The following LRP2 variants were observed in gnomAD, a reference collection of about 807,000 sequenced individuals.
LRP2 encodes low-density lipoprotein receptor-related protein 2.
A neutral mutation model predicts 531.0 loss-of-function variants in LRP2; 172 were observed. That is an observed-to-expected ratio of 0.32 (90% CI 0.29 to 0.37). The LOEUF is 0.37. Among genes scored for constraint, LRP2 ranks in the 10% least tolerant of loss-of-function variants. The pLI, the probability that LRP2 is intolerant of heterozygous loss-of-function variation, is 1.00. For synonymous variants in LRP2, 1,992 were observed against 2,027.6 expected, an observed-to-expected ratio of 0.98 and a Z score of 0.47; for missense variants, 5,167 against 5,868.3, an observed-to-expected ratio of 0.88 and a Z score of 3.90.
At chr2:169,219,370 T>G (rs1688907558) in intron 34 of LRP2, among the ~76,000 whole-genome samples, 1 of 152,182 alleles carries the variant, frequency 6.6e-6, no homozygotes, top group African/African-American at 2.4e-5. Flanking sequence ...GTTCATATTT[T>G]ACAATTTGTT....
intron 1 of LRP2, among the ~76,000 whole-genome samples, chr2:169,344,180 T>C (rs976269978): frequency 6.6e-6 from 1 of 152,254 alleles, no homozygotes; most frequent in South Asian, 2.1e-4. Context: ...GCAGGTTTGT[T>C]ACATAAGCAT....
At chr2:169,244,046 A>G (rs914632262) in intron 22 of LRP2, among the ~76,000 whole-genome samples, 1 of 152,220 alleles carries the variant, frequency 6.6e-6, no homozygotes, top group African/African-American at 2.4e-5. Context: ...ACAACATGAA[A>G]TTATATTAAA....
chr2:169,270,131 T>C (rs531423737), intron 16 of LRP2, among the ~76,000 whole-genome samples: 1 of 152,130 alleles, frequency 6.6e-6, no homozygotes, highest in South Asian at 2.1e-4. Flanking sequence ...GATGTGGAGA[T>C]ATAGGAACAC....
intron 33 of LRP2, 76 bp from the exon 34 acceptor site, chr2:169,220,639 T>C (rs1202265010): frequency 2.1e-6 from 2 of 947,464 alleles, no homozygotes; most frequent in African/African-American, 1.6e-5. Context: ...GGAGAACTTA[T>C]GTACAAAACA....
chr2:169,358,122 T>C (rs993912526), intron 1 of LRP2, among the ~76,000 whole-genome samples: 2 of 152,342 alleles, frequency 1.3e-5, no homozygotes, highest in South Asian at 2.1e-4. Flanking sequence ...CATCTGCTTA[T>C]CAGACTGTGC....
intron 1 of LRP2, among the ~76,000 whole-genome samples, chr2:169,349,698 T>C (rs887684856): frequency 3.9e-5 from 6 of 152,184 alleles, no homozygotes; most frequent in Non-Finnish European, 2.9e-5. Context: ...ATCCAGTGAT[T>C]AAGCAAGGCC....
chr2:169,173,049 T>C, intron 57 of LRP2, 47 bp downstream of exon 57: 1 of 1,609,722 alleles, frequency 6.2e-7, no homozygotes, highest in Non-Finnish European at 8.5e-7. Flanking sequence ...GCACTTGACA[T>C]GTGCACTTTC....
chr2:169,350,858 C>G (rs947376196), intron 1 of LRP2, among the ~76,000 whole-genome samples: 1 of 151,560 alleles, frequency 6.6e-6, no homozygotes, highest in African/African-American at 2.4e-5. Context: ...TCTTCAGGAA[C>G]AAGATCCATG....
At chr2:169,203,559 A>C (rs1308864582) in intron 42 of LRP2, among the ~76,000 whole-genome samples, 1 of 152,184 alleles carries the variant, frequency 6.6e-6, no homozygotes, top group African/African-American at 2.4e-5. Context: ...CAAGAGTTTG[A>C]AACTAGCCTG....
intron 68 of LRP2, 31 bp downstream of exon 68, chr2:169,150,867 C>G (rs371060709): frequency 1.0e-4 from 164 of 1,612,894 alleles, no homozygotes; most frequent in Non-Finnish European, 1.3e-4. Flanking sequence ...GGAGAAATAT[C>G]TAGATGTTGA....
In LRP2 at chr2:169,236,078, G is replaced by A. The variant is rs929644790; in HGVS notation, c.4692-10C>T. ...GAACAGTAGATGCTCACTGGGAAAG[G>A]AAATGAGTTACCAATTGGAGGGGAC... On this transcript the variant is annotated splice_polypyrimidine_tract_variant and intron_variant, in intron 28 of 78. Coordinates refer to ENST00000649046, the MANE Select transcript of LRP2 (RefSeq NM_004525.3). The A allele has an allele frequency of 1.9e-6, 3 of 1,598,660 alleles. No homozygotes were observed. The African/African-American group carries it at 4.0e-5, about 21-fold the overall frequency.
intron 1 of LRP2, among the ~76,000 whole-genome samples, chr2:169,336,245 C>T (rs1685400107): frequency 6.6e-6 from 1 of 151,720 alleles, no homozygotes; most frequent in Admixed American, 6.6e-5. Context: ...CCCCTGCAAA[C>T]GAAGGAATGA....
chr2:169,223,177 A>G (rs898437430), intron 33 of LRP2, among the ~76,000 whole-genome samples: 2 of 152,202 alleles, frequency 1.3e-5, no homozygotes, highest in Admixed American at 6.5e-5. Flanking sequence ...TTGGACTCCA[A>G]ATCAAAATAT....
chr2:169,323,224 C>G (rs1559074799), intron 1 of LRP2, among the ~76,000 whole-genome samples: 1 of 152,170 alleles, frequency 6.6e-6, no homozygotes. Flanking sequence ...CTCAATTTAT[C>G]AACAGATCTA....
chr2:169,279,301 G>A (rs576316831), intron 12 of LRP2, 71 bp downstream of exon 12: 2 of 1,078,074 alleles, frequency 1.9e-6, no homozygotes, highest in Non-Finnish European at 2.9e-6. Context: ...TAATCCAGTA[G>A]ATGTTCAGTG....
chr2:169,256,969 G>C (rs1009284173), intron 18 of LRP2, among the ~76,000 whole-genome samples, 155 bp downstream of exon 18: 1 of 152,020 alleles, frequency 6.6e-6, no homozygotes, highest in African/African-American at 2.4e-5. Context: ...TTGTGTTCTT[G>C]TTCAATATCC....
chr2:169,332,249 T>C (rs1685286791), intron 1 of LRP2, among the ~76,000 whole-genome samples: 1 of 152,226 alleles, frequency 6.6e-6, no homozygotes, highest in South Asian at 2.1e-4. Context: ...AAATTATTTA[T>C]AACTACTAAA....
intron 44 of LRP2, among the ~76,000 whole-genome samples, chr2:169,199,974 GGT>G (rs1688139771): frequency 6.6e-6 from 1 of 152,116 alleles, no homozygotes; most frequent in African/African-American, 2.4e-5. Context: ...TTTCTGGCCG[GGT>G]GCAGTGGCTC....
chr2:169,214,858 A>C (rs975049505), intron 35 of LRP2, among the ~76,000 whole-genome samples: 3 of 152,144 alleles, frequency 2.0e-5, no homozygotes, highest in African/African-American at 7.2e-5. Flanking sequence ...GGCCAGAGAG[A>C]GGTTGCTCAG....
Sources: gnomAD v4.1 joint callset for allele counts (sites outside exome capture counted in the v4.1 genomes callset) on GRCh38, gnomAD v4.1.1 for gene constraint, MANE v1.5 for transcripts, NCBI Gene and HGNC (gene_info 2026-07-23, HGNC 2026-07-21) for gene names.